The following ARHGAP25 variants were observed in gnomAD, a reference collection of about 807,000 sequenced individuals.
ARHGAP25 encodes Rho GTPase activating protein 25.
In ARHGAP25, 34 loss-of-function variants were observed where a neutral mutation model predicts 71.0. The observed-to-expected ratio is 0.48, with a 90% confidence interval of 0.36 to 0.64. The LOEUF (loss-of-function observed/expected upper bound fraction) is 0.64. Ranked by LOEUF, ARHGAP25 falls within the 30% of genes least tolerant of loss-of-function variation. The pLI is 0.00. For synonymous variants in ARHGAP25, 282 were observed against 296.5 expected (o/e 0.95, Z 0.50); for missense variants, 706 against 805.1 (o/e 0.88, Z 1.49).
intron 3 of ARHGAP25, among the ~76,000 whole-genome samples, chr2:68,784,994 A>G (rs951927222): frequency 3.9e-5 from 6 of 152,204 alleles, no homozygotes; most frequent in Non-Finnish European, 7.3e-5. Flanking sequence ...GTCAGCTAAG[A>G]GCACAGCTGG....
At chr2:68,738,665 C>CA (rs1445856320) in intron 1 of ARHGAP25, among the ~76,000 whole-genome samples, 1 of 151,820 alleles carries the variant, frequency 6.6e-6, no homozygotes, top group Non-Finnish European at 1.5e-5. Context: ...GCTAAAAATA[C>CA]AAAAAATTAG....
rs72893936 is a variant in ARHGAP25, at chr2:68,718,079, A to G, written c.-18+7381A>G. Among the ~76,000 whole-genome samples, 496 of 152,124 alleles carry G rather than the reference A, an allele frequency of 3.3e-3. 1 individual carries two copies. The highest frequency in any genetic ancestry group is 0.012 in the African/African-American group (484 of 41,482). ...CAGCTGTGAACACTCAGCAGCTACT[A>G]TGCACTCATCAAAGAGTGTTATAAA... On this transcript the variant is annotated intron_variant and NMD_transcript_variant, in intron 2 of 7. Transcript: ENST00000463483.
rs545587010 is a variant in ARHGAP25 at position 68,787,901 on chromosome 2, G to A, written c.411G>A (p.Ala137=). The part of the protein sequence containing the change: ...DSYVLMASSQ[A]EMEEWVKFLR... ...ATGTCCTCATGGCCAGCTCTCAGGCGGAGATGGAGGAGTGGGTTAAATTCC... is the reference window on the plus strand; with the variant it reads ...ATGTCCTCATGGCCAGCTCTCAGGCAGAGATGGAGGAGTGGGTTAAATTCC... Residue 137 remains alanine (A), a synonymous_variant, in exon 4 of 11, where the codon GCG becomes GCA. Transcript: ENST00000409202. 38 of 1,614,218 alleles carry A rather than the reference G, an allele frequency of 2.4e-5. No individual in the cohort carries two copies. In the East Asian group the frequency reaches 3.1e-4, roughly 13 times the overall value.
In ARHGAP25 at chr2:68,747,759, A is replaced by G. The variant is rs1246503582; in HGVS notation, c.61+12499A>G. ...GGCTCTACTATTCACCGAGTTGCTC[A>G]GGCTAAAAACCTAGAGTCATCTTCA... On this transcript the variant is annotated intron_variant, in intron 1 of 10. Transcript: ENST00000409202. Among the ~76,000 whole-genome samples, 3 of 152,148 alleles carry G rather than the reference A, an allele frequency of 2.0e-5. No homozygotes were observed. In the East Asian group the frequency reaches 5.8e-4, roughly 29 times the overall value.
chr2:68,734,025 G>A (rs1675096165), upstream of ARHGAP25, among the ~76,000 whole-genome samples: 1 of 152,202 alleles, frequency 6.6e-6, no homozygotes, highest in Non-Finnish European at 1.5e-5. Flanking sequence ...GGGCCCAAAT[G>A]CTTAAGCACT....
At chr2:68,727,794 T>C (rs1249339747) in intron 2 of ARHGAP25, among the ~76,000 whole-genome samples, 1 of 152,222 alleles carries the variant, frequency 6.6e-6, no homozygotes, top group Non-Finnish European at 1.5e-5. Flanking sequence ...ACAACCATCA[T>C]GGTAATGAGG....
intron 1 of ARHGAP25, among the ~76,000 whole-genome samples, chr2:68,769,790 A>G (rs1677364081): frequency 7.2e-6 from 1 of 137,978 alleles, no homozygotes; most frequent in Admixed American, 7.2e-5. Flanking sequence ...GTCAAATTGG[A>G]TGTAGGTGGG....
At chr2:68,794,454 G>C (rs1359875424) in intron 4 of ARHGAP25, among the ~76,000 whole-genome samples, 1 of 152,110 alleles carries the variant, frequency 6.6e-6, no homozygotes, top group Non-Finnish European at 1.5e-5. Context: ...CCTATGCCTA[G>C]TTTGTTGAGA....
At chr2:68,803,600 G>A (rs143056484) in intron 4 of ARHGAP25, among the ~76,000 whole-genome samples, 2 of 152,178 alleles carry the variant, frequency 1.3e-5, no homozygotes, top group African/African-American at 4.8e-5. Flanking sequence ...ACCCACGTGG[G>A]ATCTTTCAAT....
At chr2:68,769,504 TTC>T (rs1221478176) in intron 1 of ARHGAP25, among the ~76,000 whole-genome samples, 1 of 152,136 alleles carries the variant, frequency 6.6e-6, no homozygotes, top group Non-Finnish European at 1.5e-5. Flanking sequence ...TTCTCCTTCC[TTC>T]TCTCTGTTAG....
intron 1 of ARHGAP25, among the ~76,000 whole-genome samples, chr2:68,761,841 TA>T (rs1362544160): frequency 6.6e-6 from 1 of 152,066 alleles, no homozygotes; most frequent in African/African-American, 2.4e-5. Flanking sequence ...CACAAAAAAT[TA>T]AAAATAGAAT....
intron 1 of ARHGAP25, among the ~76,000 whole-genome samples, chr2:68,753,803 GA>G (rs2104322693): frequency 6.6e-6 from 1 of 152,212 alleles, no homozygotes; most frequent in South Asian, 2.1e-4. Flanking sequence ...GGAAACATTT[GA>G]AGGTCAGGAG....
chr2:68,783,061 AC>A (rs1678463032), intron 3 of ARHGAP25, among the ~76,000 whole-genome samples: 1 of 152,020 alleles, frequency 6.6e-6, no homozygotes, highest in Admixed American at 6.6e-5. Context: ...TCTTTTCTTC[AC>A]CCCCTCCTTC....
intron 10 of ARHGAP25, 61 bp from the exon 11 acceptor site, chr2:68,825,926 G>T (rs572261055): frequency 7.0e-7 from 1 of 1,438,506 alleles, no homozygotes; most frequent in South Asian, 1.2e-5. Context: ...GTGAGCAAGG[G>T]GGAAGGAAGA....
chr2:68,766,714 T>TTCTCCCTC (rs1684223192), intron 1 of ARHGAP25, among the ~76,000 whole-genome samples: 1 of 148,344 alleles, frequency 6.7e-6, no homozygotes, highest in African/African-American at 2.5e-5. Flanking sequence ...CTCTCTCCCC[T>TTCTCCCTC]TCTCTCTCTC....
chr2:68,725,911 T>G (rs1674871607), intron 2 of ARHGAP25, among the ~76,000 whole-genome samples: 1 of 152,156 alleles, frequency 6.6e-6, no homozygotes, highest in African/African-American at 2.4e-5. Flanking sequence ...CCTGGCTCAT[T>G]CTCAACCTGG....
At chr2:68,714,092 T>G (rs549639365) in intron 2 of ARHGAP25, among the ~76,000 whole-genome samples, 1 of 151,698 alleles carries the variant, frequency 6.6e-6, no homozygotes, top group Non-Finnish European at 1.5e-5. Context: ...CTGGTAGAGT[T>G]TGGCTGTGAA....
intron 2 of ARHGAP25, among the ~76,000 whole-genome samples, chr2:68,728,727 A>C (rs998731490): frequency 6.6e-6 from 1 of 152,126 alleles, no homozygotes; most frequent in Non-Finnish European, 1.5e-5. Context: ...TGAGACTCCA[A>C]TCTTTATAAG....
rs1367754900 is a variant in ARHGAP25 at position 68,813,437 on chromosome 2, A to G, written c.807+18A>G. 2 of 1,609,004 alleles carry G rather than the reference A, an allele frequency of 1.2e-6. No homozygotes were observed. Among genetic ancestry groups the G allele is most frequent in the Non-Finnish European group, 1.7e-6 (2 of 1,178,134 alleles). ...AGGCAAAGGTTTGCATCTTAGAGTT[A>G]GTTGTCCTGCCTTAGAAGAAAGTGA... is the stretch of plus-strand genomic sequence containing the variant. On this transcript the variant is annotated intron_variant, in intron 6 of 10. Coordinates refer to ENST00000409202, the MANE Select transcript of ARHGAP25 (RefSeq NM_001007231.3).
Sources: allele counts gnomAD v4.1 joint callset (sites outside exome capture counted in the v4.1 genomes callset), GRCh38; gene constraint gnomAD v4.1.1; transcripts MANE v1.5; gene names NCBI Gene and HGNC (gene_info 2026-07-23, HGNC 2026-07-21).